The following SLC4A7 variants were observed in gnomAD, a reference collection of about 807,000 sequenced individuals.
SLC4A7 encodes solute carrier family 4 member 7, also known as sodium bicarbonate cotransporter 3.
A neutral mutation model predicts 137.6 loss-of-function variants in SLC4A7; 51 were observed. The ratio of observed to expected loss-of-function variants is 0.37; its 90% CI spans 0.30 to 0.47. SLC4A7 has a LOEUF of 0.47. Ranked by LOEUF, SLC4A7 falls within the 20% of genes least tolerant of loss-of-function variation. SLC4A7 has a pLI of 1.00. For missense variants in SLC4A7, 1,247 were observed against 1,525.4 expected, an observed-to-expected ratio of 0.82 and a Z score of 3.04; for synonymous variants, 542 against 518.6, an observed-to-expected ratio of 1.05 and a Z score of -0.61.
chr3:27,450,733 T>C (rs887267696), intron 2 of SLC4A7, among the ~76,000 whole-genome samples: 3 of 152,136 alleles, frequency 2.0e-5, no homozygotes, highest in African/African-American at 7.2e-5. Flanking sequence ...TATTGTGTTT[T>C]CTTCTTTTAC....
At chr3:27,383,278 C>T in intron 23 of SLC4A7, 28 bp from the exon 24 acceptor site, 1 of 1,445,450 alleles carries the variant, frequency 6.9e-7, no homozygotes, top group Admixed American at 1.8e-5. Context: ...GAAGAGGTTA[C>T]TTTTCCCAGA....
chr3:27,386,086 G>A, intron 22 of SLC4A7, 63 bp from the exon 23 acceptor site: 1 of 1,263,502 alleles, frequency 7.9e-7, no homozygotes. Context: ...ACTTAAAGAG[G>A]AAAAGCATAT....
At chr3:27,423,113 C>T (rs980960049) in intron 8 of SLC4A7, among the ~76,000 whole-genome samples, 1 of 152,116 alleles carries the variant, frequency 6.6e-6, no homozygotes, top group Admixed American at 6.5e-5. Context: ...AGCCAATGTC[C>T]GTAATGCTAG....
rs374051241 is a variant in SLC4A7 at position 27,411,759 on chromosome 3, C to G, written c.1660-11G>C. ...AATCTTTCTCTTTTCCTGAATTTCA[C>G]AAAAAACATTATTTTCAGAATTCTA... On this transcript the variant is annotated splice_polypyrimidine_tract_variant and intron_variant, in intron 11 of 25. Coordinates refer to ENST00000454389, the MANE Select transcript of SLC4A7 (RefSeq NM_001321103.2). The G allele has an allele frequency of 7.0e-7, 1 of 1,429,156 alleles. No homozygotes were observed. The highest frequency in any genetic ancestry group is 1.5e-5 in the African/African-American group (1 of 68,712). The allele number at this position is 1,429,156 out of a possible 1,614,324, so 88.5% of individuals were successfully genotyped here.
At position 27,391,807 on chromosome 3, in the gene SLC4A7, A is replaced by C. The variant is rs1004936682; in HGVS notation, c.3119T>G (p.Phe1040Cys). Reference protein sequence around the residue: ...LSVFMTSVLKFIPMPVLYGVF... With the variant: ...LSVFMTSVLKCIPMPVLYGVF... ...ACCATACAGAACAGGCATTGGAATA[A>C]ACTGTAAATAAAATGAACACAATTA... Residue 1040 changes from phenylalanine (F) to cysteine (C), a missense_variant and splice_region_variant, in exon 21 of 26, where the codon TTT becomes TGT. By Grantham distance (205) the Phe-to-Cys change is radical (BLOSUM62 -2). Around this residue, in one of 6 missense-constraint regions of SLC4A7, gnomAD observed 290 missense variants for 323.8 expected, o/e 0.90. Coordinates refer to ENST00000454389, the MANE Select transcript of SLC4A7 (RefSeq NM_001321103.2). 6.4e-7 allele frequency: 1 copy of C among 1,573,034 alleles called. No homozygotes were observed. Among genetic ancestry groups the C allele is most frequent in the Non-Finnish European group, 8.7e-7 (1 of 1,150,622 alleles).
At chr3:27,415,020 T>C (rs763162801) in intron 11 of SLC4A7, among the ~76,000 whole-genome samples, 6 of 152,342 alleles carry the variant, frequency 3.9e-5, no homozygotes, top group Middle Eastern at 6.8e-3. Flanking sequence ...CAGACTTTCA[T>C]GATGTCCTTG....
intron 3 of SLC4A7, among the ~76,000 whole-genome samples, chr3:27,448,340 C>G (rs1354981894): frequency 6.6e-6 from 1 of 151,626 alleles, no homozygotes; most frequent in Non-Finnish European, 1.5e-5. Context: ...AAATGAAACA[C>G]TACTAAATTT....
intron 20 of SLC4A7, among the ~76,000 whole-genome samples, chr3:27,392,180 A>G (rs1292998496): frequency 6.6e-6 from 1 of 152,230 alleles, no homozygotes. Context: ...ACAAAAAGTG[A>G]CAACCATTGT....
At chr3:27,409,639 CA>C (rs2150206105) in intron 12 of SLC4A7, 109 bp from the exon 13 acceptor site, 1 of 733,220 alleles carries the variant, frequency 1.4e-6, no homozygotes, top group South Asian at 2.1e-5. Flanking sequence ...GTTTTGTCAA[CA>C]AAATGTTAAA....
intron 1 of SLC4A7, among the ~76,000 whole-genome samples, chr3:27,459,837 T>C (rs2058595702): frequency 6.6e-6 from 1 of 151,984 alleles, no homozygotes. Flanking sequence ...GAGTTGCCAT[T>C]ATAACTTTAA....
rs1207788133 is a variant in SLC4A7 at position 27,389,969 on chromosome 3, T to G, written c.3322A>C (p.Ile1108Leu). ...ACCACTGCAGCAGCTGAAACTTTTATCACCCATAAAAGGACCAAACAAGTA... is the reference window on the plus strand; with the variant it reads ...ACCACTGCAGCAGCTGAAACTTTTAGCACCCATAAAAGGACCAAACAAGTA... The part of the protein sequence containing the change: ...QLTCLVLLWV[I>L]KVSAAAVVFP... Residue 1108 changes from isoleucine (I) to leucine (L), a missense_variant, in exon 22 of 26, where the codon ATA becomes CTA. Ile to Leu is a conservative substitution (Grantham distance 5). This residue lies in a region of SLC4A7 where 290 missense variants were observed against 323.8 expected (regional missense o/e 0.90). Transcript: ENST00000454389. 1 of 1,613,756 alleles carries G rather than the reference T, an allele frequency of 6.2e-7. No homozygotes were observed. The highest frequency in any genetic ancestry group is 2.2e-5 in the East Asian group (1 of 44,830).
At chr3:27,412,348 G>A (rs1173311379) in intron 11 of SLC4A7, among the ~76,000 whole-genome samples, 4 of 152,124 alleles carry the variant, frequency 2.6e-5, no homozygotes, top group African/African-American at 4.8e-5. Context: ...AGAGATGCTG[G>A]GGCTAAAAAT....
intron 8 of SLC4A7, chr3:27,422,819 T>C (rs1313026139): frequency 2.2e-6 from 1 of 455,810 alleles, no homozygotes; most frequent in Admixed American, 2.4e-5. Context: ...GTGCCACAAC[T>C]ACAGTGCCAG....
chr3:27,409,433 G>A lies in SLC4A7; in HGVS notation c.1864C>T (p.Leu622Phe). Residue 622 changes from leucine (L) to phenylalanine (F), a missense_variant, in exon 13 of 26, where the codon CTT becomes TTT. Physicochemically the swap from Leu to Phe is conservative, Grantham distance 22 (BLOSUM62 0). Transcript: ENST00000454389. ...ALSLQCLASI[L>F]FLYCACMSPV... ...GACATACAGGCACAGTATAGGAAAA[G>A]AATCGAGGCCAGGCACTGCAGGCTT... 1 of 1,613,952 alleles carries A rather than the reference G, an allele frequency of 6.2e-7. No individual in the cohort carries two copies. The highest frequency in any genetic ancestry group is 8.5e-7 in the Non-Finnish European group (1 of 1,179,878).
At chr3:27,472,103 A>G (rs1451139844) in intron 1 of SLC4A7, among the ~76,000 whole-genome samples, 1 of 152,216 alleles carries the variant, frequency 6.6e-6, no homozygotes, top group Non-Finnish European at 1.5e-5. Context: ...GCTCACAACC[A>G]TAACAAAGAA....
intron 24 of SLC4A7, among the ~76,000 whole-genome samples, 153 bp from the exon 25 acceptor site, chr3:27,379,509 C>T (rs1048009063): frequency 2.0e-5 from 3 of 152,136 alleles, no homozygotes; most frequent in African/African-American, 7.2e-5. Context: ...TGAAGAATTA[C>T]GTCTTTCTTT....
At chr3:27,427,018 A>G (rs541566037) in intron 7 of SLC4A7, among the ~76,000 whole-genome samples, 2 of 152,352 alleles carry the variant, frequency 1.3e-5, no homozygotes, top group East Asian at 3.9e-4. Flanking sequence ...TTCAAATTTT[A>G]AACTTTTCAT....
chr3:27,388,352 C>G (rs1002377366), intron 22 of SLC4A7, among the ~76,000 whole-genome samples: 2 of 152,112 alleles, frequency 1.3e-5, no homozygotes, highest in African/African-American at 4.8e-5. Context: ...GTATTAATAA[C>G]TTGTCAGTGT....
At chr3:27,482,394 C>A (rs2059750430) in intron 1 of SLC4A7, among the ~76,000 whole-genome samples, 1 of 152,120 alleles carries the variant, frequency 6.6e-6, no homozygotes, top group African/African-American at 2.4e-5. Context: ...TGAAAATTTG[C>A]AAATAAATTT....
Sources: allele counts gnomAD v4.1 joint callset (sites outside exome capture counted in the v4.1 genomes callset), GRCh38; gene constraint gnomAD v4.1.1; regional missense constraint gnomAD v4.1.1; transcripts MANE v1.5; gene names NCBI Gene and HGNC (gene_info 2026-07-23, HGNC 2026-07-21).